Variants in ADGRB3 observed in about 807,000 individuals in gnomAD.
The protein encoded by ADGRB3 is brain-specific angiogenesis inhibitor 3.
ADGRB3 carries 37 observed loss-of-function variants against 193.4 expected under a neutral mutation model. The observed-to-expected ratio is 0.19, with a 90% CI of 0.15 to 0.25. ADGRB3 has a LOEUF of 0.25. Ranked by LOEUF, ADGRB3 falls within the 10% of genes least tolerant of loss-of-function variation. The probability of loss-of-function intolerance (pLI) is 1.00; values close to 1 mark genes in which losing one functional copy is unlikely to be tolerated. For synonymous variants in ADGRB3, 690 were observed against 644.2 expected (o/e 1.07, Z -1.08); for missense variants, 1,637 against 1,852.9 (o/e 0.88, Z 2.14).
At chr6:69,087,456 G>A (rs1772582949) in intron 17 of ADGRB3, among the ~76,000 whole-genome samples, 1 of 152,130 alleles carries the variant, frequency 6.6e-6, no homozygotes, top group African/African-American at 2.4e-5. Flanking sequence ...TCTAAGAGGT[G>A]ATGAGCTCAT....
intron 17 of ADGRB3, among the ~76,000 whole-genome samples, chr6:69,202,247 T>G (rs1765440750): frequency 6.6e-6 from 1 of 152,174 alleles, no homozygotes; most frequent in Non-Finnish European, 1.5e-5. Flanking sequence ...TTTTCAATAT[T>G]AAGGACAATT....
At chr6:68,780,391 T>C (rs892459101) in intron 3 of ADGRB3, among the ~76,000 whole-genome samples, 1 of 152,054 alleles carries the variant, frequency 6.6e-6, no homozygotes, top group Non-Finnish European at 1.5e-5. Context: ...CAGAGATGAC[T>C]AAACCTTCAA....
At position 68,922,701 on chromosome 6, in the gene ADGRB3, A is replaced by T. The variant is rs145966243; in HGVS notation, c.758-7858A>T. On this transcript the variant is annotated intron_variant, in intron 3 of 31. Transcript: ENST00000370598. ...GCAGGAGGAGGAAACAGGTGCAGGG[A>T]ATTTAAGGCGTGATGCCCTGAAGTA... Among the ~76,000 whole-genome samples the T allele has an allele frequency of 2.8e-3, 427 of 152,226 alleles. 4 individuals carry two copies. Among genetic ancestry groups the T allele is most frequent in the African/African-American group, 9.8e-3 (406 of 41,548 alleles).
intron 4 of ADGRB3, among the ~76,000 whole-genome samples, chr6:68,932,140 C>G (rs1767355789): frequency 6.6e-6 from 1 of 152,010 alleles, no homozygotes; most frequent in Non-Finnish European, 1.5e-5. Flanking sequence ...TTGTCGGCAC[C>G]ATCTAATGGG....
At chr6:69,364,955 G>A (rs1769537276) in intron 29 of ADGRB3, among the ~76,000 whole-genome samples, 1 of 152,042 alleles carries the variant, frequency 6.6e-6, no homozygotes, top group Non-Finnish European at 1.5e-5. Context: ...ACCTTGGATT[G>A]TTCTTTATTT....
chr6:69,172,071 T>C (rs552535167), intron 17 of ADGRB3, among the ~76,000 whole-genome samples: 102 of 152,294 alleles, frequency 6.7e-4, no homozygotes, highest in Non-Finnish European at 1.3e-3. Flanking sequence ...GGAGGTTGTG[T>C]GTTGAGGATA....
intron 18 of ADGRB3, among the ~76,000 whole-genome samples, chr6:69,233,995 T>A (rs1766207701): frequency 6.6e-6 from 1 of 152,208 alleles, no homozygotes; most frequent in South Asian, 2.1e-4. Flanking sequence ...GAGACAGCTG[T>A]ACATAACTGT....
intron 1 of ADGRB3, 81 bp from the exon 2 acceptor site, chr6:68,637,310 C>G (rs1289112556): frequency 6.6e-6 from 1 of 152,578 alleles, no homozygotes; most frequent in Non-Finnish European, 1.5e-5. Context: ...AGGGTTTTAT[C>G]CTTTGATTCA....
chr6:68,787,531 T>C, intron 3 of ADGRB3, among the ~76,000 whole-genome samples: 1 of 152,194 alleles, frequency 6.6e-6, no homozygotes, highest in East Asian at 1.9e-4. Flanking sequence ...ATAAGCTTTT[T>C]GATGTGCTGC....
chr6:69,213,783 G>T (rs560818304), intron 17 of ADGRB3, among the ~76,000 whole-genome samples: 4 of 152,124 alleles, frequency 2.6e-5, no homozygotes, highest in Non-Finnish European at 5.9e-5. Context: ...TAGATAGATG[G>T]ATCAATAAAT....
rs148820412 is a variant in ADGRB3, at chr6:68,826,973, A to C, written c.758-103586A>C. ...ATCCTAGTGTAGGTTTCAAACAGAAAGGTAGTTCCAAGGGAGGGCAGGACT... is the reference window on the plus strand; with the variant it reads ...ATCCTAGTGTAGGTTTCAAACAGAACGGTAGTTCCAAGGGAGGGCAGGACT... On this transcript the variant is annotated intron_variant, in intron 3 of 31. Transcript: ENST00000370598. 2.6e-5 allele frequency among the ~76,000 whole-genome samples: 4 copies of C among 152,296 alleles called. No individual in the cohort carries two copies. In the East Asian group the frequency reaches 7.7e-4, roughly 29 times the overall value.
At position 69,051,800 on chromosome 6, in the gene ADGRB3, C is replaced by T. The variant is rs190987054; in HGVS notation, c.2333+2454C>T. On this transcript the variant is annotated intron_variant, in intron 15 of 31. Transcript: ENST00000370598. ...AAATATTTACTGAGCAGCGTCCCTG[C>T]TAACAGTACTGTATTAATTCTTTTA... Among the ~76,000 whole-genome samples, 626 of 152,318 alleles carry T rather than the reference C, an allele frequency of 4.1e-3. 2 individuals carry two copies. Among genetic ancestry groups the T allele is most frequent in the Non-Finnish European group, 6.1e-3 (417 of 68,024 alleles).
intron 20 of ADGRB3, among the ~76,000 whole-genome samples, chr6:69,289,401 T>C (rs534624098): frequency 6.6e-6 from 1 of 152,308 alleles, no homozygotes; most frequent in East Asian, 1.9e-4. Flanking sequence ...AATCTCACTT[T>C]AGCACTTTTC....
intron 20 of ADGRB3, among the ~76,000 whole-genome samples, chr6:69,245,701 A>G (rs1300099207): frequency 6.6e-6 from 1 of 151,976 alleles, no homozygotes; most frequent in East Asian, 1.9e-4. Context: ...TCATTCTCTG[A>G]CACTCTGATG....
intron 17 of ADGRB3, among the ~76,000 whole-genome samples, chr6:69,169,982 C>G (rs909525523): frequency 6.6e-6 from 1 of 152,072 alleles, no homozygotes; most frequent in Admixed American, 6.6e-5. Context: ...AATTCTACCA[C>G]GAAGTCAGAT....
intron 20 of ADGRB3, among the ~76,000 whole-genome samples, chr6:69,312,725 C>T (rs1768221011): frequency 6.6e-6 from 1 of 151,516 alleles, no homozygotes; most frequent in Non-Finnish European, 1.5e-5. Context: ...AAAGTTCATC[C>T]TAAATATTAA....
intron 3 of ADGRB3, among the ~76,000 whole-genome samples, chr6:68,862,090 C>G (rs1178369351): frequency 6.6e-6 from 1 of 151,270 alleles, no homozygotes; most frequent in Non-Finnish European, 1.5e-5. Flanking sequence ...TCCAACTCAT[C>G]CTGTGGAAAC....
chr6:68,925,394 A>G (rs965501931), intron 3 of ADGRB3, among the ~76,000 whole-genome samples: 3 of 151,984 alleles, frequency 2.0e-5, no homozygotes, highest in Non-Finnish European at 4.4e-5. Context: ...CTGCCTAAAT[A>G]TGAGCCTATA....
chr6:68,844,433 C>T (rs1768233440), intron 3 of ADGRB3, among the ~76,000 whole-genome samples: 1 of 152,022 alleles, frequency 6.6e-6, no homozygotes, highest in African/African-American at 2.4e-5. Flanking sequence ...TGAATGAAAG[C>T]TGCAATGAGA....
Sources: gnomAD v4.1 joint callset for allele counts (sites outside exome capture counted in the v4.1 genomes callset) on GRCh38, gnomAD v4.1.1 for gene constraint, MANE v1.5 for transcripts, NCBI Gene and HGNC (gene_info 2026-07-23, HGNC 2026-07-21) for gene names.